TWSG1: variants seen among roughly 807,000 people sequenced by gnomAD.
TWSG1 encodes twisted gastrulation BMP signaling modulator 1, also known as twisted gastrulation protein homolog 1.
A neutral mutation model predicts 23.0 loss-of-function variants in TWSG1; 15 were observed. The observed-to-expected ratio is 0.65, with a 90% CI of 0.44 to 1.00. The LOEUF (loss-of-function observed/expected upper bound fraction) is 1.00, where lower values mean the gene tolerates loss of function less well. TWSG1 is among the 50% of genes least tolerant of loss of function. The pLI is 0.00. For missense variants in TWSG1, 242 were observed against 278.7 expected, an observed-to-expected ratio of 0.87 and a Z score of 0.94; for synonymous variants, 86 against 92.8, an observed-to-expected ratio of 0.93 and a Z score of 0.42.
At chr18:9,372,597 T>A (rs1234293163) in intron 3 of TWSG1, among the ~76,000 whole-genome samples, 1 of 149,796 alleles carries the variant, frequency 6.7e-6, no homozygotes, top group Non-Finnish European at 1.5e-5. Flanking sequence ...ATAAGTGAAA[T>A]GAATGAAAAC....
chr18:9,344,532 T>TGTGTGTGTGTGTGTGTGTGTG (rs1491153239), intron 2 of TWSG1, among the ~76,000 whole-genome samples: 1 of 16,700 alleles, frequency 6.0e-5, no homozygotes. Flanking sequence ...TATGTATGTA[T>TGTGTGTGTGTGTGTGTGTGTG]TTTTTTTTTT....
chr18:9,336,772 G>C (rs1429388240), intron 1 of TWSG1, among the ~76,000 whole-genome samples: 1 of 152,218 alleles, frequency 6.6e-6, no homozygotes, highest in African/African-American at 2.4e-5. Context: ...TACTTTCACA[G>C]TCACCATTTC....
At chr18:9,389,594 GTGA>G (rs1401027925) in intron 3 of TWSG1, among the ~76,000 whole-genome samples, 9 of 152,166 alleles carry the variant, frequency 5.9e-5, no homozygotes, top group Admixed American at 5.9e-4. Context: ...ATTGAAAAAT[GTGA>G]TGAAGAGCAC....
intron 3 of TWSG1, among the ~76,000 whole-genome samples, chr18:9,391,492 A>G (rs1442740248): frequency 6.6e-6 from 1 of 152,240 alleles, no homozygotes; most frequent in Non-Finnish European, 1.5e-5. Context: ...AATCATATCT[A>G]TGGCAGCTAT....
chr18:9,399,488 T>C lies in TWSG1; in HGVS notation c.633T>C (p.Tyr211=), dbSNP rs2040753445. 1 of 1,611,574 alleles carries C rather than the reference T, an allele frequency of 6.2e-7. No homozygotes were observed. The change falls in exon 5 of 5, where the codon TAT becomes TAC. Residue 211 remains tyrosine, a synonymous_variant. Transcript: ENST00000262120. Reference sequence around the variant, plus strand: ...GCATTGGTCCAGAATGTATTGACTATGGTAGTAAAACTGTCAAATGTATGA... The same window carrying C: ...GCATTGGTCCAGAATGTATTGACTACGGTAGTAAAACTGTCAAATGTATGA... The part of the protein sequence containing the change: ...CECIGPECID[Y]GSKTVKCMNC...
At chr18:9,352,240 A>G (rs1275547600) in intron 2 of TWSG1, among the ~76,000 whole-genome samples, 1 of 152,054 alleles carries the variant, frequency 6.6e-6, no homozygotes, top group Non-Finnish European at 1.5e-5. Context: ...AGATTCATCC[A>G]TATTATTGTG....
At chr18:9,355,181 C>T (rs1248664945) in intron 2 of TWSG1, among the ~76,000 whole-genome samples, 6 of 152,202 alleles carry the variant, frequency 3.9e-5, no homozygotes, top group Non-Finnish European at 5.9e-5. Flanking sequence ...TGGTCTCGAT[C>T]TCCTGACCTT....
At chr18:9,343,658 A>C (rs894458786) in intron 2 of TWSG1, among the ~76,000 whole-genome samples, 9 of 152,144 alleles carry the variant, frequency 5.9e-5, no homozygotes, top group Non-Finnish European at 5.9e-5. Context: ...TATGAATGGA[A>C]TCATACCTTG....
rs201753939 is a variant in TWSG1 at position 9,356,193 on chromosome 18, A to T, written c.124-3779A>T. ...ACGTTGTATTCTATCACTAAATTAT[A>T]AAGCAGTAAGCATATGACTACAGCA... On this transcript the variant is annotated intron_variant, in intron 2 of 4. Transcript: ENST00000262120. 1.8e-4 allele frequency among the ~76,000 whole-genome samples: 27 copies of T among 152,338 alleles called. 2 individuals carry two copies. In the East Asian group the frequency reaches 5.2e-3, roughly 29 times the overall value.
At chr18:9,371,299 T>C (rs1264238481) in intron 3 of TWSG1, among the ~76,000 whole-genome samples, 1 of 122,012 alleles carries the variant, frequency 8.2e-6, no homozygotes, top group Non-Finnish European at 1.8e-5. Context: ...AGAAATCACT[T>C]TTTTTTTTTT....
chr18:9,378,598 C>T lies in TWSG1; in HGVS notation c.224-17682C>T, dbSNP rs569162919. Among the ~76,000 whole-genome samples, 4 of 152,260 alleles carry T rather than the reference C, an allele frequency of 2.6e-5. No individual in the cohort carries two copies. In the East Asian group the frequency reaches 7.7e-4, roughly 29 times the overall value. ...TCTCTACAGTGAGAATTACAAAACA[C>T]TTTTCAAAGAAATCAGAGATGACCA... On this transcript the variant is annotated intron_variant, in intron 3 of 4. Coordinates refer to ENST00000262120, the MANE Select transcript of TWSG1 (RefSeq NM_020648.6).
chr18:9,365,753 C>T (rs1034065120), intron 3 of TWSG1, among the ~76,000 whole-genome samples: 4 of 152,152 alleles, frequency 2.6e-5, no homozygotes, highest in African/African-American at 9.7e-5. Flanking sequence ...GTAATCCCAG[C>T]ACTTTGGGAG....
At chr18:9,369,918 T>C (rs2040596815) in intron 3 of TWSG1, among the ~76,000 whole-genome samples, 1 of 152,222 alleles carries the variant, frequency 6.6e-6, no homozygotes, top group South Asian at 2.1e-4. Flanking sequence ...GATTGTCTCT[T>C]CACTATATTG....
At chr18:9,354,145 A>G (rs559229380) in intron 2 of TWSG1, among the ~76,000 whole-genome samples, 2 of 152,372 alleles carry the variant, frequency 1.3e-5, no homozygotes, top group East Asian at 3.9e-4. Context: ...CAAAACAGGA[A>G]TACCTAACCA....
chr18:9,336,078 T>C (rs2040421609), intron 1 of TWSG1, among the ~76,000 whole-genome samples: 2 of 152,182 alleles, frequency 1.3e-5, no homozygotes, highest in African/African-American at 4.8e-5. Flanking sequence ...CTTTGAAGAA[T>C]GTGTGGTACT....
intron 1 of TWSG1, among the ~76,000 whole-genome samples, 166 bp downstream of exon 1, chr18:9,335,086 G>T (rs1315616295): frequency 6.6e-6 from 1 of 152,156 alleles, no homozygotes; most frequent in Non-Finnish European, 1.5e-5. Context: ...GGTGCTGGGC[G>T]CGGGCGCACA....
intron 2 of TWSG1, among the ~76,000 whole-genome samples, chr18:9,342,492 G>A (rs1397214233): frequency 6.6e-6 from 1 of 152,184 alleles, no homozygotes; most frequent in African/African-American, 2.4e-5. Context: ...ACTGTTGACT[G>A]TAGTCACATA....
At chr18:9,379,034 G>T (rs189333096) in intron 3 of TWSG1, among the ~76,000 whole-genome samples, 1 of 152,140 alleles carries the variant, frequency 6.6e-6, no homozygotes, top group African/African-American at 2.4e-5. Flanking sequence ...AGATGCTGGC[G>T]AAGTTGTGGA....
intron 2 of TWSG1, among the ~76,000 whole-genome samples, chr18:9,341,284 A>C (rs2040445369): frequency 6.6e-6 from 1 of 152,220 alleles, no homozygotes; most frequent in Admixed American, 6.5e-5. Flanking sequence ...AGGTGAGCTC[A>C]AAATTTTCTT....
Sources: gnomAD v4.1 joint callset for allele counts (sites outside exome capture counted in the v4.1 genomes callset) on GRCh38, gnomAD v4.1.1 for gene constraint, MANE v1.5 for transcripts, NCBI Gene and HGNC (gene_info 2026-07-23, HGNC 2026-07-21) for gene names.